Variants in TRIM23 observed in about 807,000 individuals in gnomAD.
TRIM23 encodes the protein E3 ubiquitin-protein ligase TRIM23.
A neutral mutation model predicts 71.0 loss-of-function variants in TRIM23; 27 were observed. The observed-to-expected ratio is 0.38, with a 90% CI of 0.28 to 0.52. TRIM23 has a LOEUF of 0.52. TRIM23 is among the 20% of genes least tolerant of loss of function. The pLI, the probability that TRIM23 is intolerant of heterozygous loss-of-function variation, is 0.84. For synonymous variants in TRIM23, 234 were observed against 238.0 expected, an observed-to-expected ratio of 0.98 and a Z score of 0.16; for missense variants, 482 against 692.3, an observed-to-expected ratio of 0.70 and a Z score of 3.41.
At chr5:65,621,330 C>T (rs537570098) in intron 1 of TRIM23, among the ~76,000 whole-genome samples, 8 of 151,894 alleles carry the variant, frequency 5.3e-5, no homozygotes, top group African/African-American at 9.7e-5. Flanking sequence ...CCAGCCTGGG[C>T]GACAGAGTGA....
intron 1 of TRIM23, among the ~76,000 whole-genome samples, chr5:65,619,319 A>G (rs1329886850): frequency 1.3e-5 from 2 of 152,180 alleles, no homozygotes; most frequent in East Asian, 3.9e-4. Flanking sequence ...CGTCTACCGT[A>G]ACACCCAAAA....
At chr5:65,606,652 A>G (rs917802421) in intron 6 of TRIM23, among the ~76,000 whole-genome samples, 3 of 152,160 alleles carry the variant, frequency 2.0e-5, no homozygotes, top group Non-Finnish European at 2.9e-5. Context: ...GGTTTTTGCT[A>G]TAACATTTCC....
At chr5:65,598,559 G>A (rs1227547488) in intron 7 of TRIM23, among the ~76,000 whole-genome samples, 2 of 152,194 alleles carry the variant, frequency 1.3e-5, no homozygotes, top group Non-Finnish European at 2.9e-5. Flanking sequence ...AGACCAGCCT[G>A]ACCAACATAG....
intron 10 of TRIM23, 109 bp from the exon 11 acceptor site, chr5:65,592,057 C>CA (rs562959753): frequency 2.1e-4 from 223 of 1,044,008 alleles, no homozygotes; most frequent in Non-Finnish European, 2.9e-4. Flanking sequence ...GAAGCCTAAA[C>CA]AAAAAACCTA....
At chr5:65,592,717 C>G (rs1255637517) in intron 10 of TRIM23, among the ~76,000 whole-genome samples, 1 of 152,142 alleles carries the variant, frequency 6.6e-6, no homozygotes, top group Non-Finnish European at 1.5e-5. Context: ...CACACTCATG[C>G]AAAGAGACAC....
chr5:65,613,265 CAGAA>C (rs1319005275), intron 3 of TRIM23, among the ~76,000 whole-genome samples: 1 of 152,138 alleles, frequency 6.6e-6, no homozygotes, highest in Admixed American at 6.5e-5. Flanking sequence ...AGATTTAGCA[CAGAA>C]AGAACTGCAT....
At chr5:65,602,873 CT>C (rs1026647782) in intron 7 of TRIM23, among the ~76,000 whole-genome samples, 1 of 152,176 alleles carries the variant, frequency 6.6e-6, no homozygotes, top group Non-Finnish European at 1.5e-5. Context: ...TTACCTCCCC[CT>C]GGGTCCCTCC....
At chr5:65,604,800 A>G in intron 7 of TRIM23, 111 bp downstream of exon 7, 2 of 1,050,108 alleles carry the variant, frequency 1.9e-6, no homozygotes, top group East Asian at 2.7e-5. Flanking sequence ...TTTCTTAAAA[A>G]GCCCCTAATT....
chr5:65,606,484 A>C (rs1754507949), intron 6 of TRIM23, among the ~76,000 whole-genome samples: 1 of 137,120 alleles, frequency 7.3e-6, no homozygotes, highest in Admixed American at 7.2e-5. Flanking sequence ...AAAAAAAAAA[A>C]CAATTGAAGT....
intron 2 of TRIM23, among the ~76,000 whole-genome samples, chr5:65,616,887 A>G (rs570721802): frequency 3.3e-5 from 5 of 151,790 alleles, no homozygotes; most frequent in Non-Finnish European, 7.4e-5. Context: ...ATGCCTAGCT[A>G]ATTTTTACAT....
chr5:65,606,447 C>G (rs1754504920), intron 6 of TRIM23, among the ~76,000 whole-genome samples: 1 of 147,716 alleles, frequency 6.8e-6, no homozygotes, highest in Non-Finnish European at 1.5e-5. Flanking sequence ...CTGTCCCCAA[C>G]CCACTCCTCC....
intron 10 of TRIM23, among the ~76,000 whole-genome samples, chr5:65,592,635 C>G (rs779985745): frequency 2.0e-5 from 3 of 152,184 alleles, no homozygotes; most frequent in Non-Finnish European, 4.4e-5. Flanking sequence ...CATTCCCACT[C>G]TGAACACCCA....
intron 7 of TRIM23, among the ~76,000 whole-genome samples, chr5:65,597,532 C>G (rs1207432276): frequency 2.0e-5 from 3 of 152,066 alleles, no homozygotes; most frequent in Non-Finnish European, 4.4e-5. Flanking sequence ...TGCTCAATTC[C>G]CAGAAATTTC....
In TRIM23 at chr5:65,613,720, C is replaced by G. The variant is rs1754710828; in HGVS notation, c.366+378G>C. ...CATTTTCCCCTCTGTATTAAATGGC[C>G]TCTTACATCGAGTTTTTCTTTCTCT... On this transcript the variant is annotated intron_variant, in intron 3 of 10. Transcript: ENST00000231524. The G allele has an allele frequency of 2.5e-5, 30 of 1,183,156 alleles. 1 individual carries two copies. In the South Asian group the frequency reaches 4.9e-4, roughly 19 times the overall value. 73.3% of individuals were successfully genotyped at this position (1,183,156 alleles called of 1,614,324 possible). A position where few individuals can be genotyped will look rare whatever the true frequency, so the allele number is the denominator to read the frequency against.
At position 65,613,730 on chromosome 5, in the gene TRIM23, G is replaced by C. The variant is rs1020459968; in HGVS notation, c.366+368C>G. The C allele has an allele frequency of 4.2e-6, 5 of 1,186,968 alleles. No homozygotes were observed. The East Asian group carries it at 2.9e-4, about 69-fold the overall frequency. 73.5% of individuals were successfully genotyped at this position (1,186,968 alleles called of 1,614,324 possible). A position where few individuals can be genotyped will look rare whatever the true frequency, so the allele number is the denominator to read the frequency against. On this transcript the variant is annotated intron_variant, in intron 3 of 10. Coordinates refer to ENST00000231524, the MANE Select transcript of TRIM23 (RefSeq NM_001656.4). ...TCTGTATTAAATGGCCTCTTACATC[G>C]AGTTTTTCTTTCTCTCATTGAGTTT... is the stretch of plus-strand genomic sequence containing the variant.
intron 6 of TRIM23, among the ~76,000 whole-genome samples, chr5:65,606,277 C>G (rs908247792): frequency 6.6e-6 from 1 of 151,990 alleles, no homozygotes; most frequent in Non-Finnish European, 1.5e-5. Flanking sequence ...AACTCTGTCT[C>G]TACGAAAAAT....
At chr5:65,597,277 A>G (rs1392038752) in intron 7 of TRIM23, 97 bp from the exon 8 acceptor site, 3 of 1,236,346 alleles carry the variant, frequency 2.4e-6, no homozygotes, top group African/African-American at 1.5e-5. Context: ...TCATTCCTCA[A>G]CCATTGCAAT....
chr5:65,593,885 T>C (rs1754111932), intron 10 of TRIM23, among the ~76,000 whole-genome samples: 1 of 152,222 alleles, frequency 6.6e-6, no homozygotes, highest in Non-Finnish European at 1.5e-5. Flanking sequence ...CCTGATTCAT[T>C]CTACCCCTAG....
At chr5:65,611,525 G>A in intron 4 of TRIM23, 78 bp downstream of exon 4, 3 of 1,487,712 alleles carry the variant, frequency 2.0e-6, no homozygotes, top group Non-Finnish European at 2.7e-6. Flanking sequence ...TCAGAATAAA[G>A]AACCAGGTCA....
Sources: allele counts gnomAD v4.1 joint callset (sites outside exome capture counted in the v4.1 genomes callset), GRCh38; gene constraint gnomAD v4.1.1; transcripts MANE v1.5; gene names NCBI Gene and HGNC (gene_info 2026-07-23, HGNC 2026-07-21).